The following PCDHA1 variants were observed in gnomAD, a reference collection of about 807,000 sequenced individuals.
The protein encoded by PCDHA1 is protocadherin alpha-1.
PCDHA1 carries 42 observed loss-of-function variants against 61.3 expected under a neutral mutation model. That is an observed-to-expected ratio of 0.69 (90% CI 0.54 to 0.89). PCDHA1 has a LOEUF of 0.89. PCDHA1 is among the 40% of genes least tolerant of loss of function. The pLI, the probability that PCDHA1 is intolerant of heterozygous loss-of-function variation, is 0.00. For synonymous variants in PCDHA1, 610 were observed against 553.8 expected, an observed-to-expected ratio of 1.10 and a Z score of -1.43; for missense variants, 1,256 against 1,235.3, an observed-to-expected ratio of 1.02 and a Z score of -0.25.
At chr5:140,830,165 G>T (rs781932240) in intron 1 of PCDHA1, 1 of 1,613,446 alleles carries the variant, frequency 6.2e-7, no homozygotes, top group Non-Finnish European at 8.5e-7. Flanking sequence ...CCCAGAGGCG[G>T]CGCTGGTGGA....
rs782182425 is a variant in PCDHA1 at position 140,876,300 on chromosome 5, A to C, written c.2394+87616A>C. On this transcript the variant is annotated intron_variant, in intron 1 of 3. Coordinates refer to ENST00000504120, the MANE Select transcript of PCDHA1 (RefSeq NM_018900.4). ...ATCCAGACGAAGGACTTAATGGAGA[A>C]ATTTCCTATGGGATCAAAATGATTT... 2.1e-5 allele frequency: 34 copies of C among 1,613,966 alleles called. No individual in the cohort carries two copies. Among genetic ancestry groups the C allele is most frequent in the Non-Finnish European group, 2.9e-5 (34 of 1,179,910 alleles).
intron 1 of PCDHA1, chr5:140,870,486 G>C (rs1318169830): frequency 5.0e-6 from 8 of 1,614,136 alleles, no homozygotes; most frequent in South Asian, 1.1e-5. Context: ...AGTACACCGT[G>C]TTCGTGAAGG....
chr5:140,958,242 T>A (rs1375619471), intron 1 of PCDHA1, among the ~76,000 whole-genome samples: 1 of 152,120 alleles, frequency 6.6e-6, no homozygotes, highest in Non-Finnish European at 1.5e-5. Context: ...TTTTTAACAA[T>A]TCTGAACAAA....
chr5:140,797,293 T>C, intron 1 of PCDHA1: 1 of 1,614,216 alleles, frequency 6.2e-7, no homozygotes, highest in Non-Finnish European at 8.5e-7. Context: ...CCCTAGCTTA[T>C]CTCAAGGTCC....
At position 140,786,601 on chromosome 5, in the gene PCDHA1, T is replaced by G. The variant is rs1029317941; in HGVS notation, c.311T>G (p.Ile104Ser). The G allele has an allele frequency of 3.1e-6, 5 of 1,614,120 alleles. No homozygotes were observed. In the South Asian group the frequency reaches 5.5e-5, roughly 18 times the overall value. ...ELCQWSAECS[I>S]HLELIADRPL... ...TGCCAGTGGAGCGCGGAGTGCAGCATCCACCTGGAGTTGATCGCCGACAGG... is the reference window on the plus strand; with the variant it reads ...TGCCAGTGGAGCGCGGAGTGCAGCAGCCACCTGGAGTTGATCGCCGACAGG... Residue 104 changes from isoleucine (I) to serine (S), a missense_variant, in exon 1 of 4, where the codon ATC becomes AGC. Ile to Ser is a moderately radical substitution (Grantham distance 142). Transcript: ENST00000504120.
At chr5:140,968,612 C>A (rs782101758) in intron 1 of PCDHA1, 2 of 1,614,204 alleles carry the variant, frequency 1.2e-6, no homozygotes, top group East Asian at 2.2e-5. Flanking sequence ...AGACTCTGGG[C>A]AAAATGCTTG....
In PCDHA1 at chr5:141,005,428, G is replaced by T. The variant is rs907211430; in HGVS notation, c.2543-4199G>T. On this transcript the variant is annotated intron_variant, in intron 3 of 3. Transcript: ENST00000504120. ...AGAGTGAGGAGTCATGCTAAGAATG[G>T]ATGAGAGGCTCACGCCTGTAATCCC... Among the ~76,000 whole-genome samples, 21 of 152,154 alleles carry T rather than the reference G, an allele frequency of 1.4e-4. 1 individual carries two copies. The highest frequency in any genetic ancestry group is 1.2e-3 in the Admixed American group (19 of 15,266).
At chr5:140,835,075 C>T (rs2150230392) in intron 1 of PCDHA1, 4 of 1,211,226 alleles carry the variant, frequency 3.3e-6, no homozygotes, top group Non-Finnish European at 4.5e-6. Flanking sequence ...TTACTCATCA[C>T]GGTACTGGAC....
chr5:140,850,843 C>T, intron 1 of PCDHA1: 1 of 1,597,346 alleles, frequency 6.3e-7, no homozygotes, highest in African/African-American at 1.3e-5. Flanking sequence ...GCTGGATCTA[C>T]AGAGCGAACG....
At chr5:140,884,016 G>T (rs143828814) in intron 1 of PCDHA1, 1 of 1,613,208 alleles carries the variant, frequency 6.2e-7, no homozygotes, top group Non-Finnish European at 8.5e-7. Flanking sequence ...CTGATGCCGC[G>T]GTCGGTGGGT....
At chr5:140,909,472 G>A (rs2074524054) in intron 1 of PCDHA1, among the ~76,000 whole-genome samples, 1 of 152,168 alleles carries the variant, frequency 6.6e-6, no homozygotes, top group South Asian at 2.1e-4. Context: ...CTTCTTCACA[G>A]GCTAAATAGG....
At chr5:140,830,659 T>G (rs1771191789) in intron 1 of PCDHA1, 2 of 412,340 alleles carry the variant, frequency 4.9e-6, no homozygotes, top group East Asian at 9.9e-5. Flanking sequence ...TATTCATAAT[T>G]TAAGTGAAAT....
chr5:140,969,125 C>T (rs2096298194), intron 1 of PCDHA1: 3 of 1,614,152 alleles, frequency 1.9e-6, no homozygotes, highest in East Asian at 2.2e-5. Flanking sequence ...GAATGGCTCC[C>T]TCACCAAGAC....
chr5:140,888,572 A>G (rs1354616132), intron 1 of PCDHA1, among the ~76,000 whole-genome samples: 1 of 152,196 alleles, frequency 6.6e-6, no homozygotes, highest in Admixed American at 6.5e-5. Context: ...GCTTCATTTT[A>G]AGATTTGTTA....
chr5:140,809,133 T>C, intron 1 of PCDHA1: 1 of 1,613,976 alleles, frequency 6.2e-7, no homozygotes, highest in Non-Finnish European at 8.5e-7. Flanking sequence ...CGCCTACTGG[T>C]ACTGGTGAAG....
At chr5:140,887,976 TA>T (rs1462545504) in intron 1 of PCDHA1, among the ~76,000 whole-genome samples, 1 of 152,256 alleles carries the variant, frequency 6.6e-6, no homozygotes, top group African/African-American at 2.4e-5. Context: ...TTTTAAAATT[TA>T]TTTTACATGT....
chr5:140,877,516 G>A, intron 1 of PCDHA1: 1 of 1,613,816 alleles, frequency 6.2e-7, no homozygotes, highest in Non-Finnish European at 8.5e-7. Flanking sequence ...GTCGTCGCGG[G>A]CCTCAGTGGG....
chr5:140,881,587 GAAAT>G (rs2058760366), intron 1 of PCDHA1, among the ~76,000 whole-genome samples: 1 of 152,186 alleles, frequency 6.6e-6, no homozygotes, highest in Non-Finnish European at 1.5e-5. Context: ...CACATTGAGG[GAAAT>G]TTATTAATAT....
intron 1 of PCDHA1, chr5:140,871,653 C>G (rs2053243834): frequency 3.2e-6 from 4 of 1,244,250 alleles, no homozygotes; most frequent in Non-Finnish European, 4.4e-6. Flanking sequence ...CCAAATGATA[C>G]ACATCTTCAG....
Sources: gnomAD v4.1 joint callset for allele counts (sites outside exome capture counted in the v4.1 genomes callset) on GRCh38, gnomAD v4.1.1 for gene constraint, MANE v1.5 for transcripts, NCBI Gene and HGNC (gene_info 2026-07-23, HGNC 2026-07-21) for gene names.